PTPRT: variants seen among roughly 807,000 people sequenced by gnomAD.
The protein encoded by PTPRT is protein tyrosine phosphatase receptor type T, also known as receptor-type tyrosine-protein phosphatase T.
PTPRT carries 56 observed loss-of-function variants against 176.8 expected under a neutral mutation model. The observed-to-expected ratio is 0.32, with a 90% CI of 0.26 to 0.40. The LOEUF (loss-of-function observed/expected upper bound fraction) is 0.40. Among genes scored for constraint, PTPRT ranks in the 10% least tolerant of loss-of-function variants. The pLI, the probability that PTPRT is intolerant of heterozygous loss-of-function variation, is 1.00. For synonymous variants in PTPRT, 783 were observed against 739.0 expected, an observed-to-expected ratio of 1.06 and a Z score of -0.96; for missense variants, 1,540 against 1,908.2, an observed-to-expected ratio of 0.81 and a Z score of 3.60.
intron 6 of PTPRT, among the ~76,000 whole-genome samples, chr20:42,710,368 A>G (rs2146197069): frequency 6.6e-6 from 1 of 152,316 alleles, no homozygotes; most frequent in Admixed American, 6.5e-5. Context: ...GGGGCCAGGC[A>G]TGGGACCCTT....
At chr20:42,950,745 A>G (rs1981187805) in intron 1 of PTPRT, among the ~76,000 whole-genome samples, 1 of 152,170 alleles carries the variant, frequency 6.6e-6, no homozygotes, top group African/African-American at 2.4e-5. Context: ...AAATATTAAT[A>G]TGTCTGCAAT....
intron 16 of PTPRT, among the ~76,000 whole-genome samples, chr20:42,185,150 C>T (rs997410486): frequency 1.3e-5 from 2 of 152,164 alleles, no homozygotes; most frequent in African/African-American, 4.8e-5. Flanking sequence ...TCCATGACCA[C>T]ATAGATTAAA....
Position 42,135,471 on chromosome 20 carries a change from C to T in PTPRT, c.2770+6444G>A, listed in dbSNP as rs185972055. 1.1e-4 allele frequency among the ~76,000 whole-genome samples: 17 copies of T among 152,308 alleles called. No individual in the cohort carries two copies. In the East Asian group the frequency reaches 3.3e-3, roughly 29 times the overall value. On this transcript the variant is annotated intron_variant, in intron 18 of 30. Transcript: ENST00000373187. Reference sequence around the variant, plus strand: ...TCAGAAACTGTGGGGTGGGGCCCATCAATATGCATTTCAATATGCCCTCCA... The same window carrying T: ...TCAGAAACTGTGGGGTGGGGCCCATTAATATGCATTTCAATATGCCCTCCA...
intron 9 of PTPRT, among the ~76,000 whole-genome samples, chr20:42,398,475 T>C (rs188691575): frequency 2.2e-4 from 33 of 152,360 alleles, no homozygotes; most frequent in Admixed American, 7.8e-4. Context: ...TGGAGTACTA[T>C]ATCGTCATTA....
intron 4 of PTPRT, among the ~76,000 whole-genome samples, chr20:42,778,123 G>A (rs1231529732): frequency 1.3e-5 from 2 of 152,208 alleles, no homozygotes; most frequent in African/African-American, 4.8e-5. Context: ...GACTTCAGGA[G>A]CAACCCCAGT....
chr20:43,149,008 G>C (rs1460606175), intron 1 of PTPRT, among the ~76,000 whole-genome samples: 1 of 152,022 alleles, frequency 6.6e-6, no homozygotes. Context: ...GAATAACTGG[G>C]GGAAAGAAAA....
At chr20:42,855,909 C>A (rs1421471768) in intron 2 of PTPRT, among the ~76,000 whole-genome samples, 1 of 152,122 alleles carries the variant, frequency 6.6e-6, no homozygotes, top group Non-Finnish European at 1.5e-5. Context: ...AATCCCTTCC[C>A]AGAGCCATTC....
intron 2 of PTPRT, among the ~76,000 whole-genome samples, chr20:42,842,291 T>A (rs1449986795): frequency 6.6e-6 from 1 of 152,172 alleles, no homozygotes; most frequent in Non-Finnish European, 1.5e-5. Context: ...GAGTGCAGTG[T>A]CTACAAATCA....
intron 11 of PTPRT, among the ~76,000 whole-genome samples, chr20:42,346,714 C>A (rs1241661152): frequency 6.6e-6 from 1 of 152,168 alleles, no homozygotes; most frequent in Non-Finnish European, 1.5e-5. Context: ...CAGTAAGTGG[C>A]AAAGCAGGGG....
chr20:42,674,899 A>T (rs1167499009), intron 7 of PTPRT, among the ~76,000 whole-genome samples: 1 of 146,676 alleles, frequency 6.8e-6, no homozygotes, highest in African/African-American at 2.8e-5. Context: ...TGAAAACGCA[A>T]ATTTGTTCCA....
intron 2 of PTPRT, among the ~76,000 whole-genome samples, chr20:42,865,121 C>T (rs894301694): frequency 6.6e-6 from 1 of 152,184 alleles, no homozygotes; most frequent in African/African-American, 2.4e-5. Context: ...TCATGTGGTC[C>T]CTGGTTGCAG....
In PTPRT at chr20:43,172,665, T is replaced by C. The variant is rs183065755; in HGVS notation, c.88+16981A>G. ...ATTTATGGAGCACTTTCCATGAGCCTGGCTCCTTGCTAAGCATTTGACATA... is the reference window on the plus strand; with the variant it reads ...ATTTATGGAGCACTTTCCATGAGCCCGGCTCCTTGCTAAGCATTTGACATA... On this transcript the variant is annotated intron_variant, in intron 1 of 30. Transcript: ENST00000373187. Among the ~76,000 whole-genome samples the C allele has an allele frequency of 4.0e-3, 605 of 152,312 alleles. 4 individuals carry two copies. The highest frequency in any genetic ancestry group is 0.014 in the African/African-American group (567 of 41,562).
rs7346595 is a variant in PTPRT at position 43,000,065 on chromosome 20, G to A, written c.89-114133C>T. ...ATGGAGGAAGGGAAGAAGGGAAGGA[G>A]GGAGGGAGGGAGGGAGGGAGGGAGG... On this transcript the variant is annotated intron_variant, in intron 1 of 30. Coordinates refer to ENST00000373187, the MANE Select transcript of PTPRT (RefSeq NM_007050.6). Among the ~76,000 whole-genome samples the A allele has an allele frequency of 7.2e-5, 4 of 55,442 alleles. No individual in the cohort carries two copies. In the East Asian group the frequency reaches 1.2e-3, roughly 16 times the overall value. The allele number at this position is 55,442 out of a possible 152,430, so 36.4% of individuals were successfully genotyped here.
chr20:42,309,296 T>C (rs1379599103), intron 12 of PTPRT, among the ~76,000 whole-genome samples: 1 of 152,102 alleles, frequency 6.6e-6, no homozygotes, highest in African/African-American at 2.4e-5. Context: ...CAGAGAACAG[T>C]AGATTCAGCA....
chr20:42,824,399 G>C (rs2077955955), intron 2 of PTPRT, among the ~76,000 whole-genome samples: 1 of 151,930 alleles, frequency 6.6e-6, no homozygotes, highest in Admixed American at 6.6e-5. Flanking sequence ...ATAATTAAAA[G>C]AGTGTTGTAC....
chr20:42,702,089 A>C (rs188855533), intron 6 of PTPRT, among the ~76,000 whole-genome samples: 1 of 152,216 alleles, frequency 6.6e-6, no homozygotes, highest in East Asian at 1.9e-4. Flanking sequence ...GCTTAACCTC[A>C]AATTTCCCAC....
At chr20:42,568,894 CA>C (rs2073094157) in intron 7 of PTPRT, among the ~76,000 whole-genome samples, 1 of 150,510 alleles carries the variant, frequency 6.6e-6, no homozygotes, top group African/African-American at 2.4e-5. Flanking sequence ...TTAAAAAATA[CA>C]AAAACTCCCC....
At chr20:42,402,851 T>C (rs1231871196) in intron 9 of PTPRT, among the ~76,000 whole-genome samples, 8 of 152,106 alleles carry the variant, frequency 5.3e-5, no homozygotes, top group African/African-American at 1.4e-4. Flanking sequence ...TGTGTGTGTG[T>C]GTATACACAT....
intron 1 of PTPRT, among the ~76,000 whole-genome samples, chr20:43,074,646 C>T (rs2011230082): frequency 6.6e-6 from 1 of 152,168 alleles, no homozygotes; most frequent in African/African-American, 2.4e-5. Flanking sequence ...AGTCTGCTTT[C>T]CACACTCCCA....
Sources: gnomAD v4.1 joint callset for allele counts (sites outside exome capture counted in the v4.1 genomes callset) on GRCh38, gnomAD v4.1.1 for gene constraint, MANE v1.5 for transcripts, NCBI Gene and HGNC (gene_info 2026-07-23, HGNC 2026-07-21) for gene names.